CCDC148: variants seen among roughly 807,000 people sequenced by gnomAD.
CCDC148 encodes the protein coiled-coil domain-containing protein 148.
CCDC148 carries 89 observed loss-of-function variants against 85.7 expected under a neutral mutation model. The observed-to-expected ratio is 1.04, with a 90% CI of 0.87 to 1.24. CCDC148 has a LOEUF of 1.24. Among genes scored for constraint, CCDC148 ranks in the 50% most tolerant of loss-of-function variants. The probability of loss-of-function intolerance (pLI) is 0.00; values close to 1 mark genes in which losing one functional copy is unlikely to be tolerated. For missense variants in CCDC148, 692 were observed against 671.7 expected (o/e 1.03, Z -0.33); for synonymous variants, 230 against 213.9 (o/e 1.08, Z -0.66).
chr2:158,188,410 T>G (rs1025435810), intron 11 of CCDC148, among the ~76,000 whole-genome samples: 3 of 151,798 alleles, frequency 2.0e-5, no homozygotes, highest in Non-Finnish European at 4.4e-5. Flanking sequence ...ATAATGACTT[T>G]GATATTAGAA....
chr2:158,332,747 T>C (rs567989868), intron 7 of CCDC148, among the ~76,000 whole-genome samples: 1 of 152,112 alleles, frequency 6.6e-6, no homozygotes, highest in Admixed American at 6.6e-5. Context: ...GACTTCTTCC[T>C]GGTTTAGACT....
chr2:158,347,218 C>T (rs182974759), intron 2 of CCDC148, among the ~76,000 whole-genome samples: 158 of 152,082 alleles, frequency 1.0e-3, no homozygotes, highest in African/African-American at 3.6e-3. Flanking sequence ...ATATTTGGTA[C>T]ATATTGTACA....
chr2:158,223,716 G>C (rs570841382), intron 10 of CCDC148, among the ~76,000 whole-genome samples: 3 of 152,314 alleles, frequency 2.0e-5, no homozygotes, highest in South Asian at 4.1e-4. Flanking sequence ...ACAGGGTCTG[G>C]AGTGGACCTC....
At chr2:158,250,510 C>CT (rs11338184) in intron 10 of CCDC148, among the ~76,000 whole-genome samples, 10,516 of 145,330 alleles carry the variant, frequency 0.072, 1,086 homozygotes, top group African/African-American at 0.23. Flanking sequence ...ACAACCTTGT[C>CT]TTTTTTTTTT....
intron 1 of CCDC148, among the ~76,000 whole-genome samples, chr2:158,397,423 G>A (rs2543653): frequency 0.097 from 14,693 of 152,036 alleles, 779 homozygotes; most frequent in African/African-American, 0.14. Context: ...GACTAACAGC[G>A]GATCTCTCTG....
chr2:158,262,430 T>C (rs1251799861), intron 9 of CCDC148, among the ~76,000 whole-genome samples: 2 of 151,890 alleles, frequency 1.3e-5, no homozygotes, highest in Non-Finnish European at 2.9e-5. Flanking sequence ...ACCTGGGTGA[T>C]GAAATATATC....
chr2:158,281,865 G>T (rs1690324134), intron 9 of CCDC148, among the ~76,000 whole-genome samples: 1 of 152,114 alleles, frequency 6.6e-6, no homozygotes, highest in Non-Finnish European at 1.5e-5. Context: ...GAACATTGAT[G>T]CAAAAATCCT....
Position 158,217,374 on chromosome 2 carries a change from G to GTATA in CCDC148, c.1370+3217_1370+3220dup, listed in dbSNP as rs762560897. 4.8e-3 allele frequency among the ~76,000 whole-genome samples: 475 copies of GTATA among 98,498 alleles called. 2 individuals carry two copies. Among genetic ancestry groups the GTATA allele is most frequent in the South Asian group, 0.014 (34 of 2,408 alleles). The allele number at this position is 98,498 out of a possible 152,430, so 64.6% of individuals were successfully genotyped here. A position where few individuals can be genotyped will look rare whatever the true frequency, so the allele number is the denominator to read the frequency against. On this transcript the variant is annotated intron_variant, in intron 11 of 13. Coordinates refer to ENST00000283233, the MANE Select transcript of CCDC148 (RefSeq NM_138803.4). ...TATATATAAAATTTTGTGTGTGTGT[G>GTATA]TATATATATATATATATATACACAC... is the stretch of plus-strand genomic sequence containing the variant.
At chr2:158,405,124 T>C (rs992065411) in intron 1 of CCDC148, among the ~76,000 whole-genome samples, 1 of 152,062 alleles carries the variant, frequency 6.6e-6, no homozygotes, top group African/African-American at 2.4e-5. Flanking sequence ...ACAGAAATGA[T>C]TAATAAGAAG....
At chr2:158,355,992 T>TTTATTATTTA (rs1559094850) in intron 2 of CCDC148, among the ~76,000 whole-genome samples, 1 of 135,632 alleles carries the variant, frequency 7.4e-6, no homozygotes, top group Non-Finnish European at 1.5e-5. Flanking sequence ...GGATTCCCTA[T>TTTATTATTTA]TTAATAAATG....
intron 7 of CCDC148, among the ~76,000 whole-genome samples, chr2:158,330,852 G>C (rs1160742319): frequency 2.6e-5 from 4 of 152,096 alleles, no homozygotes; most frequent in African/African-American, 9.7e-5. Context: ...GATAGGTGGT[G>C]ATATCCCCTT....
At chr2:158,436,343 A>G (rs1687650540) in intron 1 of CCDC148, among the ~76,000 whole-genome samples, 1 of 152,226 alleles carries the variant, frequency 6.6e-6, no homozygotes, top group East Asian at 1.9e-4. Flanking sequence ...CCACACAACT[A>G]CATGGAAACT....
At chr2:158,205,889 T>C (rs1365785927) in intron 11 of CCDC148, among the ~76,000 whole-genome samples, 2 of 152,160 alleles carry the variant, frequency 1.3e-5, no homozygotes, top group African/African-American at 4.8e-5. Flanking sequence ...GAATGTCTTA[T>C]AGAGCATGTC....
chr2:158,353,358 C>G lies in CCDC148; in HGVS notation c.147+5091G>C, dbSNP rs1012369645. The stretch of plus-strand genomic sequence containing the variant: ...TCTCACGTGCAGACACACACATAGG[C>G]TGAAAATAAAAGGATGGAGGAAGAT... On this transcript the variant is annotated intron_variant, in intron 2 of 13. Transcript: ENST00000283233. Among the ~76,000 whole-genome samples the G allele has an allele frequency of 6.7e-5, 10 of 149,700 alleles. No individual in the cohort carries two copies. In the South Asian group the frequency reaches 1.9e-3, roughly 29 times the overall value.
At chr2:158,311,230 G>A (rs1691996156) in intron 8 of CCDC148, among the ~76,000 whole-genome samples, 1 of 152,242 alleles carries the variant, frequency 6.6e-6, no homozygotes, top group Non-Finnish European at 1.5e-5. Flanking sequence ...GGCACCTCGG[G>A]AGGCCGAGGT....
chr2:158,304,722 T>G (rs1691602212), intron 9 of CCDC148, among the ~76,000 whole-genome samples: 1 of 152,132 alleles, frequency 6.6e-6, no homozygotes, highest in Non-Finnish European at 1.5e-5. Flanking sequence ...ACATCAGGAC[T>G]TTTCCTGAAC....
chr2:158,300,778 G>A (rs927516856), intron 9 of CCDC148, among the ~76,000 whole-genome samples: 8 of 152,166 alleles, frequency 5.3e-5, no homozygotes, highest in Non-Finnish European at 1.0e-4. Flanking sequence ...CTGAAAACCT[G>A]GACAGCCATG....
chr2:158,222,471 T>G (rs1291988402), intron 10 of CCDC148, among the ~76,000 whole-genome samples: 1 of 144,538 alleles, frequency 6.9e-6, no homozygotes, highest in African/African-American at 2.8e-5. Flanking sequence ...TCTCTCTCTT[T>G]CTCTCTCTCT....
At chr2:158,178,793 T>C (rs1045915518) in intron 12 of CCDC148, 86 bp downstream of exon 12, 3 of 895,420 alleles carry the variant, frequency 3.4e-6, no homozygotes, top group African/African-American at 3.4e-5. Context: ...TGTCATGAAC[T>C]AAGCCCCAGT....
Sources: allele counts gnomAD v4.1 joint callset (sites outside exome capture counted in the v4.1 genomes callset), GRCh38; gene constraint gnomAD v4.1.1; transcripts MANE v1.5; gene names NCBI Gene and HGNC (gene_info 2026-07-23, HGNC 2026-07-21).